The following ABCC4 variants were observed in gnomAD, a reference collection of about 807,000 sequenced individuals.
ABCC4 encodes the protein ATP binding cassette subfamily C member 4 (PEL blood group), also known as ATP-binding cassette sub-family C member 4.
In ABCC4, 102 loss-of-function variants were observed where a neutral mutation model predicts 168.5. That is an observed-to-expected ratio of 0.61 (90% CI 0.52 to 0.71). The LOEUF is 0.71. ABCC4 is among the 30% of genes least tolerant of loss of function. The pLI, the probability that ABCC4 is intolerant of heterozygous loss-of-function variation, is 0.00. For missense variants in ABCC4, 1,402 were observed against 1,605.8 expected (o/e 0.87, Z 2.17); for synonymous variants, 617 against 590.7 (o/e 1.04, Z -0.65).
intron 9 of ABCC4, among the ~76,000 whole-genome samples, chr13:95,193,646 C>T (rs768520910): frequency 6.6e-6 from 1 of 152,194 alleles, no homozygotes; most frequent in Non-Finnish European, 1.5e-5. Flanking sequence ...CTCAGGTGAG[C>T]GTAACCGCAG....
chr13:95,051,183 C>T (rs558536066), intron 27 of ABCC4, among the ~76,000 whole-genome samples: 1 of 152,306 alleles, frequency 6.6e-6, no homozygotes, highest in African/African-American at 2.4e-5. Flanking sequence ...AAGAAAATCC[C>T]CACAGTTGCT....
chr13:95,138,731 C>A (rs1403423837), intron 19 of ABCC4, among the ~76,000 whole-genome samples: 1 of 152,190 alleles, frequency 6.6e-6, no homozygotes, highest in Non-Finnish European at 1.5e-5. Context: ...AAATGGAGCT[C>A]CGGCAAGCAC....
chr13:95,208,983 A>G (rs1360558489), intron 6 of ABCC4, among the ~76,000 whole-genome samples: 1 of 152,244 alleles, frequency 6.6e-6, no homozygotes, highest in Non-Finnish European at 1.5e-5. Flanking sequence ...CATCATTAAA[A>G]TTCACCTTGC....
At chr13:95,110,711 T>C (rs1270744180) in intron 20 of ABCC4, among the ~76,000 whole-genome samples, 2 of 152,130 alleles carry the variant, frequency 1.3e-5, no homozygotes, top group Non-Finnish European at 2.9e-5. Context: ...CTCATGTCTG[T>C]AATCCCAGCA....
At chr13:95,085,172 C>T (rs752060165) in intron 20 of ABCC4, among the ~76,000 whole-genome samples, 16 of 152,142 alleles carry the variant, frequency 1.1e-4, no homozygotes, top group Non-Finnish European at 2.2e-4. Flanking sequence ...GTTGTGGTGG[C>T]TCACACCTGT....
At chr13:95,111,490 G>A (rs922420476) in intron 20 of ABCC4, among the ~76,000 whole-genome samples, 2 of 152,060 alleles carry the variant, frequency 1.3e-5, no homozygotes, top group African/African-American at 2.4e-5. Context: ...CCTTCCAAAA[G>A]GCCTAATCAA....
chr13:95,025,258 CACA>C (rs2031401219), intron 30 of ABCC4, among the ~76,000 whole-genome samples: 1 of 83,164 alleles, frequency 1.2e-5, no homozygotes, highest in African/African-American at 6.5e-5. Flanking sequence ...CACACACACA[CACA>C]CCCCCACACC....
intron 4 of ABCC4, among the ~76,000 whole-genome samples, chr13:95,215,233 C>T (rs1594314530): frequency 6.6e-6 from 1 of 152,034 alleles, no homozygotes; most frequent in Admixed American, 6.6e-5. Flanking sequence ...CCAGCCTGGG[C>T]TCCACAAAAA....
chr13:95,023,202 C>A (rs2031194025), intron 30 of ABCC4, among the ~76,000 whole-genome samples: 1 of 152,108 alleles, frequency 6.6e-6, no homozygotes, highest in African/African-American at 2.4e-5. Flanking sequence ...TCTGTGTAAC[C>A]CTCTTGATGT....
chr13:95,116,046 C>G (rs1268363584), intron 19 of ABCC4, 45 bp from the exon 20 acceptor site: 1 of 1,408,564 alleles, frequency 7.1e-7, no homozygotes, highest in South Asian at 1.2e-5. Flanking sequence ...CCCAGATAGA[C>G]CCTTTAAGAG....
chr13:95,138,682 A>C (rs1041576706), intron 19 of ABCC4, among the ~76,000 whole-genome samples: 8 of 152,138 alleles, frequency 5.3e-5, no homozygotes, highest in Admixed American at 6.5e-5. Flanking sequence ...TAAAAATCCA[A>C]ATGAGTCCCT....
At chr13:95,092,375 G>A (rs953653843) in intron 20 of ABCC4, among the ~76,000 whole-genome samples, 16 of 152,052 alleles carry the variant, frequency 1.1e-4, no homozygotes, top group African/African-American at 3.4e-4. Context: ...ATTCGACAGT[G>A]CATGGAACTT....
intron 26 of ABCC4, among the ~76,000 whole-genome samples, chr13:95,054,501 T>C (rs1350253269): frequency 6.6e-6 from 1 of 151,366 alleles, no homozygotes; most frequent in Non-Finnish European, 1.5e-5. Context: ...TGAGCCAAGA[T>C]TCCGTCACTG....
intron 20 of ABCC4, among the ~76,000 whole-genome samples, chr13:95,101,319 G>T (rs2034797643): frequency 6.6e-6 from 1 of 151,880 alleles, no homozygotes; most frequent in Non-Finnish European, 1.5e-5. Flanking sequence ...GAAAGGATAT[G>T]AAAAGTCAGT....
At chr13:95,286,744 G>A (rs1324172334) in intron 1 of ABCC4, among the ~76,000 whole-genome samples, 2 of 151,384 alleles carry the variant, frequency 1.3e-5, no homozygotes, top group African/African-American at 4.9e-5. Context: ...ATCACCTGAG[G>A]TCAGGAGTTC....
intron 1 of ABCC4, among the ~76,000 whole-genome samples, chr13:95,291,310 G>A (rs952617460): frequency 6.6e-6 from 1 of 150,932 alleles, no homozygotes; most frequent in Non-Finnish European, 1.5e-5. Context: ...AGCTATGAAT[G>A]CACCACTGCA....
At chr13:95,244,911 G>GAAAA (rs1387426167) in intron 3 of ABCC4, among the ~76,000 whole-genome samples, 1 of 150,984 alleles carries the variant, frequency 6.6e-6, no homozygotes, top group Non-Finnish European at 1.5e-5. Flanking sequence ...CCCGCTAAAA[G>GAAAA]ACCAGCTCTC....
chr13:95,225,288 CT>C (rs2039432543), intron 4 of ABCC4, among the ~76,000 whole-genome samples: 1 of 152,134 alleles, frequency 6.6e-6, no homozygotes, highest in Non-Finnish European at 1.5e-5. Flanking sequence ...ACTTAACGCA[CT>C]TTAGCAAGGT....
chr13:95,288,513 G>C (rs1411190039), intron 1 of ABCC4, among the ~76,000 whole-genome samples: 3 of 152,104 alleles, frequency 2.0e-5, no homozygotes, highest in Admixed American at 2.0e-4. Context: ...CATGATAAAA[G>C]GGTAAATTTA....
Sources: allele counts gnomAD v4.1 joint callset (sites outside exome capture counted in the v4.1 genomes callset), GRCh38; gene constraint gnomAD v4.1.1; transcripts MANE v1.5; gene names NCBI Gene and HGNC (gene_info 2026-07-23, HGNC 2026-07-21).